FAT3: variants seen among roughly 807,000 people sequenced by gnomAD.
FAT3 encodes protocadherin Fat 3.
A neutral mutation model predicts 310.2 loss-of-function variants in FAT3; 95 were observed. The observed-to-expected ratio is 0.31, with a 90% confidence interval of 0.26 to 0.36. The LOEUF (loss-of-function observed/expected upper bound fraction) is 0.36. Ranked by LOEUF, FAT3 falls within the 10% of genes least tolerant of loss-of-function variation. The pLI is 1.00. For synonymous variants in FAT3, 2,314 were observed against 2,192.9 expected (o/e 1.06, Z -1.54); for missense variants, 5,408 against 5,715.6 (o/e 0.95, Z 1.74).
chr11:92,788,085 A>G (rs1375874033), intron 7 of FAT3, among the ~76,000 whole-genome samples: 5 of 152,164 alleles, frequency 3.3e-5, no homozygotes, highest in African/African-American at 9.7e-5. Flanking sequence ...AATTCTAACT[A>G]AAAAGAAAAC....
chr11:92,490,239 G>C (rs1016991510), intron 2 of FAT3, among the ~76,000 whole-genome samples: 3 of 152,020 alleles, frequency 2.0e-5, no homozygotes, highest in South Asian at 4.1e-4. Context: ...CAGTTCTAAT[G>C]GTCTCTACTG....
intron 7 of FAT3, among the ~76,000 whole-genome samples, chr11:92,781,402 G>A (rs1946750519): frequency 1.3e-5 from 2 of 151,698 alleles, no homozygotes; most frequent in African/African-American, 2.4e-5. Flanking sequence ...CTATAACTCT[G>A]GGATACTTAA....
In FAT3 at chr11:92,658,922, TATC is replaced by T. The variant is rs71305391; in HGVS notation, c.3608-38433_3608-38431del. ...ACTCGCCTATTGTCATCATCGTCAT[TATC>T]ATCATCATCATCATCATCATCATCA... On this transcript the variant is annotated intron_variant, in intron 3 of 27. Coordinates refer to ENST00000525166, the MANE Select transcript of FAT3 (RefSeq NM_001367949.2). 5.1e-3 allele frequency among the ~76,000 whole-genome samples: 763 copies of T among 149,806 alleles called. 3 individuals carry two copies. The highest frequency in any genetic ancestry group is 8.7e-3 in the African/African-American group (353 of 40,790).
chr11:92,529,548 T>TTTTG (rs1045110692), intron 3 of FAT3, among the ~76,000 whole-genome samples: 1 of 152,202 alleles, frequency 6.6e-6, no homozygotes, highest in East Asian at 1.9e-4. Flanking sequence ...GTTTTGTTTT[T>TTTTG]TTTGTTTGTT....
At position 92,598,580 on chromosome 11, in the gene FAT3, T is replaced by C. The variant is rs60041865; in HGVS notation, c.3607+73632T>C. ...ATGAGTGAGAGAGTATGGATGCATT[T>C]ATCCTCATTTTATAAATGTGAATAC... On this transcript the variant is annotated intron_variant, in intron 3 of 27. Transcript: ENST00000525166. Among the ~76,000 whole-genome samples the C allele has an allele frequency of 3.5e-3, 535 of 152,256 alleles. 3 individuals carry two copies. The highest frequency in any genetic ancestry group is 0.012 in the African/African-American group (513 of 41,556).
chr11:92,364,056 A>C (rs1038994587), intron 2 of FAT3, among the ~76,000 whole-genome samples: 7 of 151,996 alleles, frequency 4.6e-5, no homozygotes, highest in African/African-American at 1.5e-4. Flanking sequence ...TTATGTCTTC[A>C]TTGTGTATCA....
intron 1 of FAT3, among the ~76,000 whole-genome samples, chr11:92,241,032 A>G (rs1864652884): frequency 6.6e-6 from 1 of 152,016 alleles, no homozygotes; most frequent in South Asian, 2.1e-4. Context: ...GATTAGAAAC[A>G]GCATTGCAGT....
At chr11:92,665,124 A>G (rs979413430) in intron 3 of FAT3, among the ~76,000 whole-genome samples, 3 of 152,164 alleles carry the variant, frequency 2.0e-5, no homozygotes, top group Admixed American at 1.3e-4. Flanking sequence ...AAATCATTTT[A>G]ATATTGTAAG....
At position 92,890,987 on chromosome 11, in the gene FAT3, T is replaced by C. The variant is rs1243685927; in HGVS notation, c.13644T>C (p.Asp4548=). The change falls in exon 28 of 28, where the codon GAT becomes GAC. Residue 4548 remains aspartate, a synonymous_variant. Coordinates refer to ENST00000525166, the MANE Select transcript of FAT3 (RefSeq NM_001367949.2). ...ATTCCAGAGGCACCTCATCCTCGGA[T>C]GTGTCTGCCAACTGCGGCTTTGACG... is the stretch of plus-strand genomic sequence containing the variant. ...LHNSRGTSSS[D]VSANCGFDDS... 6.2e-7 allele frequency: 1 copy of C among 1,613,922 alleles called. No individual in the cohort carries two copies. The highest frequency in any genetic ancestry group is 1.1e-5 in the South Asian group (1 of 91,060).
intron 2 of FAT3, among the ~76,000 whole-genome samples, chr11:92,369,804 G>A (rs1036405431): frequency 4.6e-5 from 7 of 152,162 alleles, no homozygotes; most frequent in Admixed American, 1.3e-4. Context: ...CCGAGATTGC[G>A]CCACTGCACT....
intron 2 of FAT3, among the ~76,000 whole-genome samples, chr11:92,364,403 A>G (rs1460650993): frequency 6.6e-6 from 1 of 152,186 alleles, no homozygotes; most frequent in Admixed American, 6.5e-5. Flanking sequence ...AGGCAGTGGG[A>G]TAAATTTATT....
intron 3 of FAT3, among the ~76,000 whole-genome samples, chr11:92,613,247 CA>C (rs1940649930): frequency 6.6e-6 from 1 of 152,156 alleles, no homozygotes; most frequent in Non-Finnish European, 1.5e-5. Flanking sequence ...TGAGGCCATT[CA>C]CAGGTGTGAC....
chr11:92,267,243 T>A (rs1945989743), intron 1 of FAT3, among the ~76,000 whole-genome samples: 1 of 152,208 alleles, frequency 6.6e-6, no homozygotes, highest in Admixed American at 6.5e-5. Flanking sequence ...TGTATGTGCC[T>A]ACATTTCTTA....
At chr11:92,889,162 C>T (rs1289535322) in intron 25 of FAT3, 27 bp from the exon 26 acceptor site, 1 of 704,672 alleles carries the variant, frequency 1.4e-6, no homozygotes, top group Non-Finnish European at 2.6e-6. Context: ...CCTTCCCCTA[C>T]CTCCGACTTC....
rs576103105 is a variant in FAT3 at position 92,263,012 on chromosome 11, A to G, written c.-18+37838A>G. 2.1e-3 allele frequency among the ~76,000 whole-genome samples: 317 copies of G among 150,912 alleles called. 3 individuals are homozygous for G. Among genetic ancestry groups the G allele is most frequent in the African/African-American group, 7.1e-3 (291 of 41,076 alleles). On this transcript the variant is annotated intron_variant, in intron 1 of 27. Coordinates refer to ENST00000525166, the MANE Select transcript of FAT3 (RefSeq NM_001367949.2). ...TCTCTTTTTTTTTTTATTCCTCATT[A>G]CTTTGTAGCTGGATGCTATACCACA...
In FAT3 at chr11:92,790,027, C is replaced by T; in HGVS notation, c.4420C>T (p.Leu1474Phe). 6.2e-7 allele frequency: 1 copy of T among 1,613,814 alleles called. No individual in the cohort carries two copies. Among genetic ancestry groups the T allele is most frequent in the Non-Finnish European group, 8.5e-7 (1 of 1,179,756 alleles). Residue 1474 changes from leucine to phenylalanine, a missense_variant, in exon 8 of 28, where the codon CTT (leucine) becomes TTT (phenylalanine). Physicochemically the swap from Leu to Phe is conservative, Grantham distance 22. Around this residue, in one of 5 missense-constraint regions of FAT3, gnomAD observed 4,588 missense variants for 4,809.8 expected, o/e 0.95. Transcript: ENST00000525166. ...NYDVTISEDV[L>F]PDTEILQIEA... is the part of the protein sequence containing the mutation. Reference sequence around the variant, plus strand: ...CGATGTGACAATTTCCGAGGATGTGCTTCCAGACACGGAGATCCTGCAGAT... The same window carrying T: ...CGATGTGACAATTTCCGAGGATGTGTTTCCAGACACGGAGATCCTGCAGAT...
At chr11:92,634,139 A>T (rs1941670683) in intron 3 of FAT3, among the ~76,000 whole-genome samples, 1 of 152,170 alleles carries the variant, frequency 6.6e-6, no homozygotes, top group Non-Finnish European at 1.5e-5. Context: ...AAATGCAGAG[A>T]TTTTTGCAGT....
At chr11:92,381,762 A>C (rs1471957991) in intron 2 of FAT3, among the ~76,000 whole-genome samples, 1 of 152,214 alleles carries the variant, frequency 6.6e-6, no homozygotes, top group East Asian at 1.9e-4. Flanking sequence ...TCCAGGAAAA[A>C]TGAAAAAATT....
intron 3 of FAT3, among the ~76,000 whole-genome samples, chr11:92,587,864 C>T (rs991279277): frequency 1.3e-5 from 2 of 151,870 alleles, no homozygotes; most frequent in African/African-American, 4.8e-5. Flanking sequence ...TCACTTTTTC[C>T]CCATGTTAAG....
Sources: gnomAD v4.1 joint callset for allele counts (sites outside exome capture counted in the v4.1 genomes callset) on GRCh38, gnomAD v4.1.1 for gene constraint, gnomAD v4.1.1 regional missense constraint, MANE v1.5 for transcripts, NCBI Gene and HGNC (gene_info 2026-07-23, HGNC 2026-07-21) for gene names.